Variants in DOCK4 observed in about 807,000 individuals in gnomAD.
DOCK4 encodes dedicator of cytokinesis protein 4.
A neutral mutation model predicts 268.1 loss-of-function variants in DOCK4; 97 were observed. That is an observed-to-expected ratio of 0.36 (90% CI 0.31 to 0.43). The LOEUF (loss-of-function observed/expected upper bound fraction) is 0.43. Among genes scored for constraint, DOCK4 ranks in the 20% least tolerant of loss-of-function variants. The probability of loss-of-function intolerance (pLI) is 1.00; values close to 1 mark genes in which losing one functional copy is unlikely to be tolerated. For synonymous variants in DOCK4, 954 were observed against 887.2 expected, an observed-to-expected ratio of 1.08 and a Z score of -1.34; for missense variants, 2,145 against 2,455.7, an observed-to-expected ratio of 0.87 and a Z score of 2.67.
chr7:111,974,778 C>T (rs1274165967), intron 8 of DOCK4, among the ~76,000 whole-genome samples: 2 of 152,008 alleles, frequency 1.3e-5, no homozygotes, highest in African/African-American at 4.8e-5. Flanking sequence ...GGGTTATTAT[C>T]TTACTTTTGC....
chr7:111,884,315 G>A (rs80168170), intron 16 of DOCK4, among the ~76,000 whole-genome samples: 1,870 of 152,160 alleles, frequency 0.012, 39 homozygotes, highest in African/African-American at 0.039. Context: ...CAATCCTTGA[G>A]GCAAGATATT....
At chr7:111,895,739 G>A (rs754700734) in intron 15 of DOCK4, 21 bp from the exon 16 acceptor site, 2 of 1,601,726 alleles carry the variant, frequency 1.2e-6, no homozygotes, top group South Asian at 2.2e-5. Context: ...CAAATTACTT[G>A]CTTATTTAAG....
At position 111,822,972 on chromosome 7, in the gene DOCK4, G is replaced by C. The variant is rs758323350; in HGVS notation, c.2836-516C>G. ...ATGCAGTATTAATGGAATGTATGCAGGTTTATAGAATTTGAGTGAATTTTC... is the reference window on the plus strand; with the variant it reads ...ATGCAGTATTAATGGAATGTATGCACGTTTATAGAATTTGAGTGAATTTTC... On this transcript the variant is annotated intron_variant, in intron 26 of 52. Coordinates refer to ENST00000428084, the MANE Select transcript of DOCK4 (RefSeq NM_001363540.2). Among the ~76,000 whole-genome samples the C allele has an allele frequency of 2.0e-5, 3 of 152,132 alleles. No homozygotes were observed. The East Asian group carries it at 5.8e-4, about 29-fold the overall frequency.
chr7:112,181,794 C>T (rs1367049340), intron 1 of DOCK4, among the ~76,000 whole-genome samples: 13 of 152,064 alleles, frequency 8.5e-5, no homozygotes, highest in Admixed American at 3.3e-4. Context: ...TTGAACGGTA[C>T]GTGCACTTGC....
intron 1 of DOCK4, among the ~76,000 whole-genome samples, chr7:112,008,120 A>G (rs1247777000): frequency 2.0e-5 from 3 of 152,212 alleles, no homozygotes; most frequent in Non-Finnish European, 4.4e-5. Flanking sequence ...AAACAATCAC[A>G]GAAAATGAAC....
At chr7:112,065,479 C>T (rs1306112663) in intron 1 of DOCK4, among the ~76,000 whole-genome samples, 1 of 150,572 alleles carries the variant, frequency 6.6e-6, no homozygotes. Flanking sequence ...ATTATCTTAC[C>T]TGGTAGAACT....
At chr7:111,879,787 C>T (rs1807225043) in intron 16 of DOCK4, among the ~76,000 whole-genome samples, 2 of 151,920 alleles carry the variant, frequency 1.3e-5, no homozygotes, top group South Asian at 2.1e-4. Context: ...GACATGCTGA[C>T]GAATGCATCA....
chr7:112,000,558 T>C, intron 2 of DOCK4, 24 bp from the exon 3 acceptor site: 1 of 1,513,608 alleles, frequency 6.6e-7, no homozygotes, highest in Non-Finnish European at 9.0e-7. Context: ...ATCATGGTCA[T>C]ATTTTGATAA....
chr7:111,983,643 T>C (rs945048773), intron 7 of DOCK4, among the ~76,000 whole-genome samples: 2 of 151,912 alleles, frequency 1.3e-5, no homozygotes, highest in African/African-American at 2.4e-5. Context: ...TAACTTACCA[T>C]GTAACTAGAA....
At chr7:111,840,863 C>T in intron 25 of DOCK4, 1 of 1,349,840 alleles carries the variant, frequency 7.4e-7, no homozygotes, top group Non-Finnish European at 9.8e-7. Flanking sequence ...ATTCAGAAAG[C>T]CTGTTCTCTG....
At chr7:111,971,798 C>CG (rs1797735299) in intron 8 of DOCK4, 1 of 299,428 alleles carries the variant, frequency 3.3e-6, no homozygotes, top group African/African-American at 2.3e-5. Flanking sequence ...CAGCCACTTA[C>CG]GGGGGATGGC....
At chr7:111,946,268 A>G (rs1319349844) in intron 8 of DOCK4, among the ~76,000 whole-genome samples, 2 of 152,218 alleles carry the variant, frequency 1.3e-5, no homozygotes, top group African/African-American at 4.8e-5. Flanking sequence ...CCAATCTGTA[A>G]CACAAGTAGA....
At chr7:112,058,418 ATTAAAT>A (rs1002465881) in intron 1 of DOCK4, among the ~76,000 whole-genome samples, 2 of 152,194 alleles carry the variant, frequency 1.3e-5, no homozygotes, top group Non-Finnish European at 2.9e-5. Context: ...CATAGTTCAC[ATTAAAT>A]TTAATTTGTG....
intron 2 of DOCK4, 83 bp from the exon 3 acceptor site, chr7:112,000,617 G>A (rs560887889): frequency 2.9e-5 from 31 of 1,072,412 alleles, no homozygotes; most frequent in African/African-American, 2.4e-4. Context: ...GTTCTTTGCC[G>A]ATGGAATTTT....
Position 111,977,147 on chromosome 7 carries a change from T to C in DOCK4, c.686A>G (p.Glu229Gly). 3.7e-6 allele frequency: 6 copies of C among 1,613,330 alleles called. No individual in the cohort carries two copies. Among genetic ancestry groups the C allele is most frequent in the Non-Finnish European group, 5.1e-6 (6 of 1,179,672 alleles). The change falls in exon 8 of 53, where the codon GAG becomes GGG. Residue 229 changes from glutamate to glycine, a missense_variant. By Grantham distance (98) the Glu-to-Gly change is moderately conservative. This residue lies in a region of DOCK4 where 1,598 missense variants were observed against 1,986.7 expected (regional missense o/e 0.80). Coordinates refer to ENST00000428084, the MANE Select transcript of DOCK4 (RefSeq NM_001363540.2). ...GTGCAGGTACCTGATTGGCCGGTTC[T>C]CTTTACTGTCAAAGAGTGAGAAGAT... Reference protein sequence around the residue: ...EVIFSLFDSKENRPISERFFL... With the variant: ...EVIFSLFDSKGNRPISERFFL...
At chr7:112,116,648 A>C (rs1258152222) in intron 1 of DOCK4, among the ~76,000 whole-genome samples, 1 of 152,246 alleles carries the variant, frequency 6.6e-6, no homozygotes, top group South Asian at 2.1e-4. Context: ...ATTCATAACC[A>C]AGGCAATGAA....
intron 1 of DOCK4, among the ~76,000 whole-genome samples, chr7:112,105,839 C>G (rs1342004022): frequency 6.6e-6 from 1 of 152,030 alleles, no homozygotes; most frequent in African/African-American, 2.4e-5. Context: ...TAGGCATAAG[C>G]CACAATGTCT....
rs768581184 is a variant in DOCK4, at chr7:111,994,245, A to C, written c.219-14T>G. ...ATTTCAAATTGTCTGTGAAATTAAA[A>C]AAGAAAAAGTATATATGTAAATACC... On this transcript the variant is annotated splice_polypyrimidine_tract_variant and intron_variant, in intron 4 of 52. Coordinates refer to ENST00000428084, the MANE Select transcript of DOCK4 (RefSeq NM_001363540.2). 1 of 1,528,876 alleles carries C rather than the reference A, an allele frequency of 6.5e-7. No homozygotes were observed. The highest frequency in any genetic ancestry group is 1.2e-5 in the South Asian group (1 of 83,732). 94.7% of individuals were successfully genotyped at this position (1,528,876 alleles called of 1,614,324 possible). A position where few individuals can be genotyped will look rare whatever the true frequency, so the allele number is the denominator to read the frequency against.
At chr7:112,111,796 A>G (rs1406831767) in intron 1 of DOCK4, among the ~76,000 whole-genome samples, 2 of 152,246 alleles carry the variant, frequency 1.3e-5, no homozygotes, top group Non-Finnish European at 2.9e-5. Flanking sequence ...TTAAATAAGT[A>G]CAGACTTCTT....
Sources: allele counts gnomAD v4.1 joint callset (sites outside exome capture counted in the v4.1 genomes callset), GRCh38; gene constraint gnomAD v4.1.1; regional missense constraint gnomAD v4.1.1; transcripts MANE v1.5; gene names NCBI Gene and HGNC (gene_info 2026-07-23, HGNC 2026-07-21).